Variants in CUL3 observed in about 807,000 individuals in gnomAD.
The protein encoded by CUL3 is cullin-3.
In CUL3, 19 loss-of-function variants were observed where a neutral mutation model predicts 89.1. The ratio of observed to expected loss-of-function variants is 0.21; its 90% CI spans 0.15 to 0.31. CUL3 has a LOEUF of 0.31. CUL3 is among the 10% of genes least tolerant of loss of function. The pLI is 1.00. For synonymous variants in CUL3, 351 were observed against 308.4 expected, an observed-to-expected ratio of 1.14 and a Z score of -1.45; for missense variants, 469 against 942.3, an observed-to-expected ratio of 0.50 and a Z score of 6.58.
intron 1 of CUL3, among the ~76,000 whole-genome samples, chr2:224,576,380 C>A (rs1233345853): frequency 6.6e-6 from 1 of 152,192 alleles, no homozygotes; most frequent in Non-Finnish European, 1.5e-5. Context: ...AATTTCAACT[C>A]ATTTTTCCAG....
chr2:224,569,112 G>C (rs1240767120), intron 1 of CUL3, among the ~76,000 whole-genome samples: 1 of 152,130 alleles, frequency 6.6e-6, no homozygotes, highest in African/African-American at 2.4e-5. Flanking sequence ...TAAAAGAGAA[G>C]TAACATTCTT....
At chr2:224,511,273 C>G in intron 6 of CUL3, 81 bp downstream of exon 6, 1 of 983,734 alleles carries the variant, frequency 1.0e-6, no homozygotes, top group Non-Finnish European at 1.5e-6. Context: ...CTGATATTAT[C>G]TGCTTTAATT....
chr2:224,523,444 T>C (rs563485398), intron 3 of CUL3, among the ~76,000 whole-genome samples: 5 of 149,510 alleles, frequency 3.3e-5, no homozygotes, highest in South Asian at 2.1e-4. Flanking sequence ...GTGGAAAAAT[T>C]AGAGCTCTCG....
At chr2:224,549,501 A>C (rs1240011231) in intron 2 of CUL3, among the ~76,000 whole-genome samples, 1 of 152,186 alleles carries the variant, frequency 6.6e-6, no homozygotes, top group African/African-American at 2.4e-5. Context: ...CATTTTATAG[A>C]TTAATACTTT....
At position 224,585,332 on chromosome 2, in the gene CUL3, A is replaced by G; in HGVS notation, c.-323T>C. On this transcript the variant is annotated 5_prime_UTR_variant, in exon 1 of 16. Transcript: ENST00000264414. ...TGGCGGCGGCGGCGGCGACGGACAA[A>G]CATCTCACTGCGCAGGCCGAACGTC... 1 of 402,484 alleles carries G rather than the reference A, an allele frequency of 2.5e-6. No homozygotes were observed. The highest frequency in any genetic ancestry group is 4.4e-6 in the Non-Finnish European group (1 of 229,552). 24.9% of individuals were successfully genotyped at this position (402,484 alleles called of 1,614,324 possible).
At chr2:224,555,140 A>C (rs1694654874) in intron 2 of CUL3, among the ~76,000 whole-genome samples, 1 of 152,112 alleles carries the variant, frequency 6.6e-6, no homozygotes, top group African/African-American at 2.4e-5. Context: ...ATGATCTCAC[A>C]CTCAATTTTC....
intron 3 of CUL3, among the ~76,000 whole-genome samples, chr2:224,524,043 CTT>C (rs770036605): frequency 1.3e-5 from 2 of 152,172 alleles, no homozygotes; most frequent in East Asian, 3.9e-4. Context: ...GAACTGCACA[CTT>C]AAGGGTAAGA....
chr2:224,559,802 C>T (rs1401142076), intron 1 of CUL3, among the ~76,000 whole-genome samples: 2 of 152,176 alleles, frequency 1.3e-5, no homozygotes, highest in African/African-American at 4.8e-5. Flanking sequence ...ACAAATTTGG[C>T]AAGGCATGGT....
chr2:224,527,061 A>G (rs1488290228), intron 3 of CUL3, among the ~76,000 whole-genome samples: 1 of 152,156 alleles, frequency 6.6e-6, no homozygotes, highest in Non-Finnish European at 1.5e-5. Context: ...GGTACTGGAT[A>G]CTGGTCAGTC....
At chr2:224,518,161 G>T (rs1693135420) in intron 3 of CUL3, among the ~76,000 whole-genome samples, 1 of 152,072 alleles carries the variant, frequency 6.6e-6, no homozygotes, top group South Asian at 2.1e-4. Flanking sequence ...CAAGTCCTTT[G>T]TTCACTTCTG....
At chr2:224,516,711 A>T (rs1222652021) in intron 3 of CUL3, among the ~76,000 whole-genome samples, 1 of 151,422 alleles carries the variant, frequency 6.6e-6, no homozygotes. Context: ...CAGTGGTGTG[A>T]TCTCGGCTCA....
At chr2:224,542,543 C>CTGTGTGCGTGTGCGTGTGTGTG (rs1216992717) in intron 2 of CUL3, among the ~76,000 whole-genome samples, 4 of 147,244 alleles carry the variant, frequency 2.7e-5, no homozygotes, top group Admixed American at 6.8e-5. Context: ...GCACTTCTGG[C>CTGTGTGCGTGTGCGTGTGTGTG]TGTGTGCGTG....
At chr2:224,476,148 C>T (rs12613952) in intron 15 of CUL3, among the ~76,000 whole-genome samples, 7,830 of 151,890 alleles carry the variant, frequency 0.052, 567 homozygotes, top group African/African-American at 0.16. Flanking sequence ...CTCAGCCTCC[C>T]GAGTAGTTGG....
At chr2:224,556,105 GA>G (rs1354714475) in intron 2 of CUL3, among the ~76,000 whole-genome samples, 1 of 152,032 alleles carries the variant, frequency 6.6e-6, no homozygotes, top group Non-Finnish European at 1.5e-5. Flanking sequence ...TTAAGAGAAA[GA>G]AATTACAGAA....
intron 1 of CUL3, among the ~76,000 whole-genome samples, chr2:224,581,954 T>C (rs1695450972): frequency 6.6e-6 from 1 of 152,008 alleles, no homozygotes. Flanking sequence ...GATGTACATA[T>C]GTATAACCAT....
At chr2:224,476,522 G>C (rs994727526) in intron 15 of CUL3, among the ~76,000 whole-genome samples, 1 of 151,986 alleles carries the variant, frequency 6.6e-6, no homozygotes, top group East Asian at 1.9e-4. Flanking sequence ...AGCTCATATC[G>C]GGTTTCACAT....
At chr2:224,493,603 G>A (rs1692063420) in intron 13 of CUL3, among the ~76,000 whole-genome samples, 1 of 152,154 alleles carries the variant, frequency 6.6e-6, no homozygotes, top group African/African-American at 2.4e-5. Context: ...ATGATTCCAA[G>A]TCAGATGGGA....
intron 8 of CUL3, among the ~76,000 whole-genome samples, chr2:224,505,138 G>T (rs893072315): frequency 2.9e-5 from 4 of 137,710 alleles, no homozygotes; most frequent in East Asian, 2.1e-4. Context: ...TAGTTGTTCA[G>T]TTTTTTTTTT....
At chr2:224,504,835 ATG>A (rs987653279) in intron 8 of CUL3, among the ~76,000 whole-genome samples, 3 of 152,154 alleles carry the variant, frequency 2.0e-5, no homozygotes, top group African/African-American at 7.2e-5. Context: ...ACCAATTCAG[ATG>A]TGAGCATGTT....
Sources: gnomAD v4.1 joint callset for allele counts (sites outside exome capture counted in the v4.1 genomes callset) on GRCh38, gnomAD v4.1.1 for gene constraint, MANE v1.5 for transcripts, NCBI Gene and HGNC (gene_info 2026-07-23, HGNC 2026-07-21) for gene names.